Variants in KCNK2 observed in about 807,000 individuals in gnomAD.
The protein encoded by KCNK2 is potassium two pore domain channel subfamily K member 2.
Under a neutral mutation model 40.5 loss-of-function variants are expected in KCNK2, and 21 were observed. The observed-to-expected ratio is 0.52, with a 90% CI of 0.37 to 0.75. The LOEUF (loss-of-function observed/expected upper bound fraction) is 0.75. Among genes scored for constraint, KCNK2 ranks in the 30% least tolerant of loss-of-function variants. KCNK2 has a pLI of 0.00. For synonymous variants in KCNK2, 191 were observed against 202.2 expected, an observed-to-expected ratio of 0.94 and a Z score of 0.47; for missense variants, 399 against 531.6, an observed-to-expected ratio of 0.75 and a Z score of 2.45.
chr1:215,065,626 G>A (rs1658512520), intron 1 of KCNK2, among the ~76,000 whole-genome samples: 1 of 152,162 alleles, frequency 6.6e-6, no homozygotes. Flanking sequence ...ATTTGTGAAG[G>A]CAAACGATTT....
chr1:215,216,543 T>C (rs776957347), intron 6 of KCNK2, among the ~76,000 whole-genome samples: 1 of 149,970 alleles, frequency 6.7e-6, no homozygotes, highest in Non-Finnish European at 1.5e-5. Flanking sequence ...TTATATATCA[T>C]ATATAGAATG....
In KCNK2 at chr1:215,083,423, G is replaced by C. The variant is rs757093767; in HGVS notation, c.38G>C (p.Arg13Thr). The C allele has an allele frequency of 1.4e-5, 23 of 1,613,274 alleles. No individual in the cohort carries two copies. Among genetic ancestry groups the C allele is most frequent in the Middle Eastern group, 1.7e-4 (1 of 5,994 alleles). ...PSASRERPGY[R>T]AGVAAPDLLD... is the part of the protein sequence containing the mutation. ...GCCTCGCGGGAGAGACCCGGCTATAGAGCAGGAGGTGAGACCCCCCCTCCG... is the reference window on the plus strand; with the variant it reads ...GCCTCGCGGGAGAGACCCGGCTATACAGCAGGAGGTGAGACCCCCCCTCCG... Residue 13 changes from arginine (R) to threonine (T), a missense_variant, in exon 1 of 7, where the codon AGA (arginine) becomes ACA (threonine). Transcript: ENST00000444842.
intron 5 of KCNK2, among the ~76,000 whole-genome samples, chr1:215,194,201 G>T (rs1413698961): frequency 6.6e-6 from 1 of 152,110 alleles, no homozygotes; most frequent in Non-Finnish European, 1.5e-5. Context: ...GTGTTGAAAT[G>T]AACCCAGATT....
chr1:215,114,142 G>A (rs962330235), intron 2 of KCNK2, among the ~76,000 whole-genome samples: 24 of 152,136 alleles, frequency 1.6e-4, no homozygotes, highest in African/African-American at 5.3e-4. Flanking sequence ...AGATGAAGTG[G>A]AGAGAAGACC....
At chr1:215,209,899 T>G (rs1286372836) in intron 6 of KCNK2, among the ~76,000 whole-genome samples, 3 of 90,368 alleles carry the variant, frequency 3.3e-5, no homozygotes, top group African/African-American at 1.3e-4. Context: ...TATACTGACT[T>G]TTGTTGAACT....
At chr1:215,110,329 T>G (rs1202180674) in intron 2 of KCNK2, among the ~76,000 whole-genome samples, 1 of 152,048 alleles carries the variant, frequency 6.6e-6, no homozygotes, top group African/African-American at 2.4e-5. Context: ...TTTCTTCTAG[T>G]AGTTTTATAA....
chr1:215,124,692 C>A lies in KCNK2; in HGVS notation c.417C>A (p.Ile139=). Residue 139 remains isoleucine, a synonymous_variant, in exon 3 of 7, where the codon ATC becomes ATA. Transcript: ENST00000444842. ...CGTTAGGAAACACCTCCAATCAAATCAGTCACTGGGATTTGGGAAGTTCCT... is the reference window on the plus strand; with the variant it reads ...CGTTAGGAAACACCTCCAATCAAATAAGTCACTGGGATTTGGGAAGTTCCT... The part of the protein sequence containing the change: ...IIPLGNTSNQ[I]SHWDLGSSFF... 1 of 1,613,068 alleles carries A rather than the reference C, an allele frequency of 6.2e-7. No homozygotes were observed. The highest frequency in any genetic ancestry group is 8.5e-7 in the Non-Finnish European group (1 of 1,179,180).
intron 1 of KCNK2, among the ~76,000 whole-genome samples, chr1:215,064,453 G>C (rs1186863136): frequency 6.6e-6 from 1 of 152,106 alleles, no homozygotes; most frequent in African/African-American, 2.4e-5. Flanking sequence ...TCCTAGACAG[G>C]ATGTTTGACT....
Position 215,169,275 on chromosome 1 carries a change from CTT to C in KCNK2, c.554_555del (p.Phe185TrpfsTer28). On this transcript the variant is annotated frameshift_variant, in exon 4 of 7. Coordinates refer to ENST00000444842, the MANE Select transcript of KCNK2 (RefSeq NM_001017425.3). LOFTEE classifies it high-confidence loss of function. ...TCTATGCCTTACTGGGAATTCCCCTCTTTGGTTTTCTCTTGGCTGGAGTTGGA... is the reference window on the plus strand; with the variant it reads ...TCTATGCCTTACTGGGAATTCCCCTCTGGTTTTCTCTTGGCTGGAGTTGGA... ...IIYALLGIPL[F>X]GFLLAGVGDQ... 1 of 1,613,284 alleles carries C rather than the reference CTT, an allele frequency of 6.2e-7. No homozygotes were observed.
At chr1:215,138,135 A>T (rs2102597591) in intron 3 of KCNK2, among the ~76,000 whole-genome samples, 1 of 152,328 alleles carries the variant, frequency 6.6e-6, no homozygotes, top group Admixed American at 6.5e-5. Context: ...AGACAAAATA[A>T]CTGCTTCAAA....
chr1:215,163,206 C>A (rs1436064104), intron 3 of KCNK2, among the ~76,000 whole-genome samples: 1 of 152,148 alleles, frequency 6.6e-6, no homozygotes, highest in Non-Finnish European at 1.5e-5. Flanking sequence ...AATGGGAGTT[C>A]ACTCATGATT....
chr1:215,215,200 A>T (rs890451107), intron 6 of KCNK2, among the ~76,000 whole-genome samples: 2 of 148,830 alleles, frequency 1.3e-5, no homozygotes, highest in Non-Finnish European at 3.0e-5. Context: ...AGCTGGGGGG[A>T]TTTTTTTTTT....
chr1:215,136,895 T>C (rs1279185827), intron 3 of KCNK2, among the ~76,000 whole-genome samples: 1 of 152,212 alleles, frequency 6.6e-6, no homozygotes, highest in Non-Finnish European at 1.5e-5. Context: ...TGTTATTCAA[T>C]ATCCAAAGTC....
chr1:215,112,258 C>T (rs560938348), intron 2 of KCNK2, among the ~76,000 whole-genome samples: 13 of 151,058 alleles, frequency 8.6e-5, no homozygotes, highest in Admixed American at 2.0e-4. Flanking sequence ...AGGTGGAAGA[C>T]GGTAGTATTG....
intron 1 of KCNK2, among the ~76,000 whole-genome samples, chr1:215,059,198 A>C (rs1328736769): frequency 6.6e-6 from 1 of 151,882 alleles, no homozygotes; most frequent in African/African-American, 2.4e-5. Context: ...TGTCCCTAGA[A>C]TTTTAGCTCC....
intron 1 of KCNK2, among the ~76,000 whole-genome samples, chr1:215,068,153 A>G (rs1658623434): frequency 6.6e-6 from 1 of 151,240 alleles, no homozygotes; most frequent in South Asian, 2.1e-4. Flanking sequence ...CACTCTCTGG[A>G]GTGTTTAGTG....
intron 1 of KCNK2, among the ~76,000 whole-genome samples, chr1:215,041,468 A>G (rs1657559624): frequency 6.6e-6 from 1 of 152,202 alleles, no homozygotes; most frequent in Non-Finnish European, 1.5e-5. Flanking sequence ...TCTGATCCAC[A>G]GTGATAGGAA....
intron 4 of KCNK2, among the ~76,000 whole-genome samples, chr1:215,170,891 A>T (rs887545045): frequency 2.0e-5 from 3 of 152,132 alleles, no homozygotes; most frequent in Non-Finnish European, 4.4e-5. Context: ...GCATAAAAAA[A>T]GTTCCATGCC....
At chr1:215,221,072 C>A (rs990239793) in intron 6 of KCNK2, among the ~76,000 whole-genome samples, 9 of 152,148 alleles carry the variant, frequency 5.9e-5, no homozygotes, top group African/African-American at 2.2e-4. Flanking sequence ...ACTTTTGACT[C>A]CTTAAAAAAC....
Sources: gnomAD v4.1 joint callset for allele counts (sites outside exome capture counted in the v4.1 genomes callset) on GRCh38, gnomAD v4.1.1 for gene constraint, MANE v1.5 for transcripts, NCBI Gene and HGNC (gene_info 2026-07-23, HGNC 2026-07-21) for gene names.